The following FBN1 variants were observed in gnomAD, a reference collection of about 807,000 sequenced individuals.
The protein encoded by FBN1 is fibrillin 1, also known as fibrillin-1.
FBN1 carries 29 observed loss-of-function variants against 365.1 expected under a neutral mutation model. That is an observed-to-expected ratio of 0.08 (90% confidence interval 0.06 to 0.11). The LOEUF (loss-of-function observed/expected upper bound fraction) is 0.11. FBN1 is among the 10% of genes least tolerant of loss of function. The probability of loss-of-function intolerance (pLI) is 1.00; values close to 1 mark genes in which losing one functional copy is unlikely to be tolerated. For synonymous variants in FBN1, 1,210 were observed against 1,270.5 expected, an observed-to-expected ratio of 0.95 and a Z score of 1.01; for missense variants, 2,476 against 3,703.2, an observed-to-expected ratio of 0.67 and a Z score of 8.60.
intron 35 of FBN1, among the ~76,000 whole-genome samples, chr15:48,471,966 C>T (rs979726066): frequency 2.6e-5 from 4 of 152,208 alleles, no homozygotes; most frequent in Non-Finnish European, 4.4e-5. Flanking sequence ...CGATACCATG[C>T]CATATGGCAG....
chr15:48,460,045 A>T (rs184234591), intron 43 of FBN1, among the ~76,000 whole-genome samples: 155 of 152,344 alleles, frequency 1.0e-3, no homozygotes, highest in African/African-American at 3.6e-3. Flanking sequence ...CTTAATCATG[A>T]ACAACAAATG....
chr15:48,592,397 T>C, intron 6 of FBN1, among the ~76,000 whole-genome samples: 1 of 152,220 alleles, frequency 6.6e-6, no homozygotes, highest in South Asian at 2.1e-4. Flanking sequence ...ATGTGCATTC[T>C]GAGGCAAGAT....
intron 2 of FBN1, among the ~76,000 whole-genome samples, chr15:48,615,474 A>T (rs1038716992): frequency 1.3e-5 from 2 of 152,210 alleles, no homozygotes; most frequent in African/African-American, 4.8e-5. Context: ...AAAGCATGGT[A>T]ATATAAACAT....
In FBN1 at chr15:48,516,713, T is replaced by A. The variant is rs544488942; in HGVS notation, c.1148-351A>T. On this transcript the variant is annotated intron_variant, in intron 10 of 65. Coordinates refer to ENST00000316623, the MANE Select transcript of FBN1 (RefSeq NM_000138.5). Reference sequence around the variant, plus strand: ...GGCTCTACAGAATACATTAAAAAATTTGAATTTTATTTTATGCGCAGTGCA... The same window carrying A: ...GGCTCTACAGAATACATTAAAAAATATGAATTTTATTTTATGCGCAGTGCA... Among the ~76,000 whole-genome samples the A allele has an allele frequency of 3.3e-5, 5 of 152,228 alleles. No homozygotes were observed. The East Asian group carries it at 9.7e-4, about 29-fold the overall frequency.
In FBN1 at chr15:48,502,204, T is replaced by C. The variant is rs1356157979; in HGVS notation, c.2113+1583A>G. On this transcript the variant is annotated intron_variant, in intron 17 of 65. Transcript: ENST00000316623. ...CCACCACGCATGACTTTTTGTTTGT[T>C]TGTTTGTTCGTTTGTATTTTTAGTA... is the stretch of plus-strand genomic sequence containing the variant. 4.6e-5 allele frequency among the ~76,000 whole-genome samples: 7 copies of C among 152,200 alleles called. No individual in the cohort carries two copies. The East Asian group carries it at 1.4e-3, about 29-fold the overall frequency.
chr15:48,583,489 G>A (rs569347545), intron 6 of FBN1, among the ~76,000 whole-genome samples: 2 of 152,310 alleles, frequency 1.3e-5, no homozygotes, highest in African/African-American at 2.4e-5. Context: ...AGGTCTTACA[G>A]CCACCTGGAA....
At chr15:48,426,744 A>T (rs1280102413) in intron 58 of FBN1, among the ~76,000 whole-genome samples, 1 of 152,106 alleles carries the variant, frequency 6.6e-6, no homozygotes, top group East Asian at 1.9e-4. Context: ...TCCAGAAGTG[A>T]GTTTTTTCGG....
chr15:48,505,158 G>A lies in FBN1; in HGVS notation c.1838-11C>T. ...CACACTCGTTAATGTCTGTGGCAGAGAAAGGCACTTATTAAAAATGAAGTG... is the reference window on the plus strand; with the variant it reads ...CACACTCGTTAATGTCTGTGGCAGAAAAAGGCACTTATTAAAAATGAAGTG... On this transcript the variant is annotated splice_polypyrimidine_tract_variant and intron_variant, in intron 15 of 65. Coordinates refer to ENST00000316623, the MANE Select transcript of FBN1 (RefSeq NM_000138.5). 1 of 1,614,092 alleles carries A rather than the reference G, an allele frequency of 6.2e-7. No homozygotes were observed. The highest frequency in any genetic ancestry group is 8.5e-7 in the Non-Finnish European group (1 of 1,179,958).
At chr15:48,624,402 T>G (rs940525647) in intron 2 of FBN1, among the ~76,000 whole-genome samples, 1 of 152,198 alleles carries the variant, frequency 6.6e-6, no homozygotes, top group African/African-American at 2.4e-5. Context: ...CTGGATCACT[T>G]CTCCAAGGGA....
chr15:48,582,378 C>T (rs192535328), intron 6 of FBN1, among the ~76,000 whole-genome samples: 2 of 152,302 alleles, frequency 1.3e-5, no homozygotes, highest in East Asian at 1.9e-4. Flanking sequence ...TGTGATTTCA[C>T]CTATTGTGCA....
chr15:48,633,869 C>T (rs143098360), intron 2 of FBN1, among the ~76,000 whole-genome samples: 7 of 152,304 alleles, frequency 4.6e-5, no homozygotes, highest in Non-Finnish European at 8.8e-5. Context: ...CTCGCTACCA[C>T]GTGACTCAGC....
At chr15:48,444,423 T>C (rs1315284499) in intron 49 of FBN1, 118 bp downstream of exon 49, 6 of 1,178,098 alleles carry the variant, frequency 5.1e-6, no homozygotes, top group Non-Finnish European at 6.3e-6. Context: ...ACCTATGCCC[T>C]TGCATTTGTT....
At chr15:48,550,066 A>G (rs947302981) in intron 6 of FBN1, among the ~76,000 whole-genome samples, 1 of 152,226 alleles carries the variant, frequency 6.6e-6, no homozygotes, top group African/African-American at 2.4e-5. Context: ...CCTAAAGACA[A>G]TAAGCCTAAA....
At chr15:48,627,405 G>A (rs572176687) in intron 2 of FBN1, among the ~76,000 whole-genome samples, 2 of 152,210 alleles carry the variant, frequency 1.3e-5, no homozygotes, top group African/African-American at 2.4e-5. Context: ...CATGCTCAAC[G>A]TTTGAGGGAG....
At chr15:48,598,982 G>T (rs1253442152) in intron 5 of FBN1, among the ~76,000 whole-genome samples, 1 of 152,124 alleles carries the variant, frequency 6.6e-6, no homozygotes, top group Admixed American at 6.5e-5. Context: ...AGCTCTTTCT[G>T]CCTGCTGCCA....
At chr15:48,455,637 G>T (rs2043232972) in intron 44 of FBN1, among the ~76,000 whole-genome samples, 1 of 152,164 alleles carries the variant, frequency 6.6e-6, no homozygotes, top group Non-Finnish European at 1.5e-5. Flanking sequence ...TTGGGCCAAG[G>T]TCTGAACTGG....
At chr15:48,575,578 T>G (rs1342410018) in intron 6 of FBN1, among the ~76,000 whole-genome samples, 2 of 152,136 alleles carry the variant, frequency 1.3e-5, no homozygotes, top group Non-Finnish European at 2.9e-5. Flanking sequence ...AGCTCACACT[T>G]ATAAGTGAAA....
At chr15:48,472,468 A>T (rs1396264515) in intron 35 of FBN1, 83 bp downstream of exon 35, 2 of 1,531,176 alleles carry the variant, frequency 1.3e-6, no homozygotes, top group African/African-American at 2.8e-5. Flanking sequence ...TAAAAAAAAA[A>T]AAAAAAAAAA....
intron 6 of FBN1, among the ~76,000 whole-genome samples, chr15:48,582,870 T>G (rs1345520761): frequency 6.6e-6 from 1 of 152,150 alleles, no homozygotes; most frequent in Non-Finnish European, 1.5e-5. Flanking sequence ...CCCTCTGACT[T>G]TGAAGGGCAT....
Sources: gnomAD v4.1 joint callset for allele counts (sites outside exome capture counted in the v4.1 genomes callset) on GRCh38, gnomAD v4.1.1 for gene constraint, MANE v1.5 for transcripts, NCBI Gene and HGNC (gene_info 2026-07-23, HGNC 2026-07-21) for gene names.